NBEA: variants seen among roughly 807,000 people sequenced by gnomAD.
The protein encoded by NBEA is lysosomal-trafficking regulator 2.
Under a neutral mutation model 343.4 loss-of-function variants are expected in NBEA, and 44 were observed. The observed-to-expected ratio is 0.13, with a 90% CI of 0.10 to 0.16. The LOEUF is 0.16. NBEA is among the 10% of genes least tolerant of loss of function. The pLI is 1.00. For missense variants in NBEA, 2,555 were observed against 3,631.3 expected (o/e 0.70, Z 7.62); for synonymous variants, 1,175 against 1,238.7 (o/e 0.95, Z 1.08).
chr13:35,601,545 C>T (rs1341895583), intron 47 of NBEA, among the ~76,000 whole-genome samples: 4 of 151,850 alleles, frequency 2.6e-5, no homozygotes, highest in African/African-American at 4.8e-5. Context: ...AGGCAGATCA[C>T]GAGGTCAAGA....
intron 39 of NBEA, among the ~76,000 whole-genome samples, chr13:35,441,831 GAA>G (rs34357028): frequency 4.3e-4 from 52 of 120,020 alleles, no homozygotes; most frequent in East Asian, 7.1e-4. Flanking sequence ...TGCTAGATGT[GAA>G]AAAAAAAAAA....
intron 57 of NBEA, 139 bp downstream of exon 57, chr13:35,667,709 C>T (rs780614155): frequency 3.2e-5 from 25 of 776,520 alleles, no homozygotes; most frequent in African/African-American, 8.9e-5. Context: ...TAACTTCTTG[C>T]GGACTGGTAC....
At chr13:35,651,005 G>A (rs983749098) in intron 52 of NBEA, among the ~76,000 whole-genome samples, 5 of 152,130 alleles carry the variant, frequency 3.3e-5, no homozygotes, top group African/African-American at 9.7e-5. Flanking sequence ...GTAAGGTAAC[G>A]CTACTTCCAT....
chr13:35,473,625 A>T (rs2075745300), intron 41 of NBEA, among the ~76,000 whole-genome samples: 1 of 152,198 alleles, frequency 6.6e-6, no homozygotes, highest in Non-Finnish European at 1.5e-5. Flanking sequence ...TGTAGTTTTT[A>T]AAATGAGCTT....
chr13:35,500,640 G>A (rs913875142), intron 41 of NBEA, among the ~76,000 whole-genome samples: 2 of 150,040 alleles, frequency 1.3e-5, no homozygotes, highest in African/African-American at 4.9e-5. Context: ...AACCTCTTGA[G>A]CATTCATTAT....
At chr13:35,546,497 C>T (rs2079066013) in intron 41 of NBEA, among the ~76,000 whole-genome samples, 1 of 151,008 alleles carries the variant, frequency 6.6e-6, no homozygotes, top group Admixed American at 6.6e-5. Context: ...TACATGATAA[C>T]TCTTAAATTG....
chr13:35,375,350 T>C (rs961257358), intron 38 of NBEA, among the ~76,000 whole-genome samples: 3 of 152,198 alleles, frequency 2.0e-5, no homozygotes, highest in Admixed American at 1.3e-4. Flanking sequence ...ATACATCATA[T>C]TCGTGTGCTC....
chr13:35,035,588 G>A (rs985914920), intron 1 of NBEA, among the ~76,000 whole-genome samples: 9 of 152,082 alleles, frequency 5.9e-5, no homozygotes, highest in South Asian at 4.1e-4. Context: ...TGAAAGATGT[G>A]TCCAGTGCTG....
intron 51 of NBEA, 55 bp from the exon 52 acceptor site, chr13:35,649,600 C>T: frequency 6.9e-7 from 1 of 1,450,224 alleles, no homozygotes. Flanking sequence ...AGACCTTTCA[C>T]TAACTATGTT....
chr13:35,159,843 C>A lies in NBEA; in HGVS notation c.3672C>A (p.Asp1224Glu), dbSNP rs370031193. Residue 1224 changes from aspartate to glutamate, a missense_variant, in exon 22 of 59, where the codon GAC becomes GAA. Asp to Glu is a conservative substitution (Grantham distance 45). Around this residue, in one of 21 missense-constraint regions of NBEA, gnomAD observed 367 missense variants for 377.5 expected, o/e 0.97. Coordinates refer to ENST00000379939, the MANE Select transcript of NBEA (RefSeq NM_001385012.1). ...GAATGAGCAGTATTTCTGAAAGAGA[C>A]TTAGCGTCATCAACTAAGGGGCTGG... ...SDGMSSISER[D>E]LASSTKGLEY... 1 of 1,608,190 alleles carries A rather than the reference C, an allele frequency of 6.2e-7. No individual in the cohort carries two copies. The highest frequency in any genetic ancestry group is 1.3e-5 in the African/African-American group (1 of 74,802).
chr13:34,948,898 C>A (rs1208683091), intron 1 of NBEA, among the ~76,000 whole-genome samples: 3 of 152,232 alleles, frequency 2.0e-5, no homozygotes, highest in South Asian at 2.1e-4. Flanking sequence ...GAAAATGTAG[C>A]CTTTCCAAGG....
At chr13:34,976,459 A>G (rs1337049975) in intron 1 of NBEA, among the ~76,000 whole-genome samples, 4 of 152,156 alleles carry the variant, frequency 2.6e-5, no homozygotes, top group Non-Finnish European at 5.9e-5. Flanking sequence ...AAGACTGCAC[A>G]TGGGGTACAG....
chr13:35,307,661 G>A (rs558570593), intron 35 of NBEA, among the ~76,000 whole-genome samples: 2 of 152,128 alleles, frequency 1.3e-5, no homozygotes, highest in South Asian at 4.2e-4. Flanking sequence ...AAAATCAGGT[G>A]TAAGAAGTTG....
intron 41 of NBEA, among the ~76,000 whole-genome samples, chr13:35,540,463 T>G (rs1352096941): frequency 6.6e-6 from 1 of 152,120 alleles, no homozygotes; most frequent in Non-Finnish European, 1.5e-5. Context: ...TTTTAGACTA[T>G]GCCAAATTTG....
At chr13:35,239,642 T>C (rs1335174856) in intron 34 of NBEA, among the ~76,000 whole-genome samples, 1 of 152,098 alleles carries the variant, frequency 6.6e-6, no homozygotes, top group Admixed American at 6.5e-5. Flanking sequence ...TCATGTAAAC[T>C]TATGCATACA....
chr13:35,406,937 G>C (rs975367353), intron 38 of NBEA, among the ~76,000 whole-genome samples: 27 of 145,604 alleles, frequency 1.9e-4, no homozygotes, highest in African/African-American at 6.8e-4. Context: ...AGATGTTTAT[G>C]GGTTTTTTTT....
At chr13:35,176,964 T>G (rs950580896) in intron 27 of NBEA, 32 bp from the exon 28 acceptor site, 2 of 1,352,192 alleles carry the variant, frequency 1.5e-6, no homozygotes, top group African/African-American at 1.5e-5. Flanking sequence ...CTGTAATATA[T>G]TATCTATTCA....
intron 35 of NBEA, among the ~76,000 whole-genome samples, chr13:35,292,216 C>T (rs1010979084): frequency 4.6e-5 from 7 of 151,852 alleles, no homozygotes; most frequent in Non-Finnish European, 8.8e-5. Flanking sequence ...TTAATTGCTC[C>T]ATGAATGTTT....
chr13:35,109,501 G>T, intron 12 of NBEA, 59 bp downstream of exon 12: 1 of 1,404,426 alleles, frequency 7.1e-7, no homozygotes, highest in Non-Finnish European at 9.4e-7. Flanking sequence ...TATAGTTGCT[G>T]GATCTATAGT....
Sources: allele counts gnomAD v4.1 joint callset (sites outside exome capture counted in the v4.1 genomes callset), GRCh38; gene constraint gnomAD v4.1.1; regional missense constraint gnomAD v4.1.1; transcripts MANE v1.5; gene names NCBI Gene and HGNC (gene_info 2026-07-23, HGNC 2026-07-21).